The following FOSL1 variants were observed in gnomAD, a reference collection of about 807,000 sequenced individuals.
FOSL1 encodes FOS like 1, AP-1 transcription factor subunit, also known as fos-related antigen 1.
In FOSL1, 14 loss-of-function variants were observed where a neutral mutation model predicts 24.9. The ratio of observed to expected loss-of-function variants is 0.56; its 90% CI spans 0.37 to 0.88. The LOEUF (loss-of-function observed/expected upper bound fraction) is 0.88, where lower values mean the gene tolerates loss of function less well. FOSL1 is among the 40% of genes least tolerant of loss of function. The pLI is 0.00. For synonymous variants in FOSL1, 133 were observed against 145.1 expected, an observed-to-expected ratio of 0.92 and a Z score of 0.60; for missense variants, 318 against 359.8, an observed-to-expected ratio of 0.88 and a Z score of 0.94.
intron 1 of FOSL1, among the ~76,000 whole-genome samples, chr11:65,898,040 T>A (rs1860572639): frequency 1.4e-5 from 1 of 74,030 alleles, no homozygotes; most frequent in African/African-American, 4.3e-5. Flanking sequence ...TTTTTTTTCT[T>A]TTCTGTTTTT....
intron 1 of FOSL1, 144 bp from the exon 2 acceptor site, chr11:65,897,150 G>T: frequency 3.0e-6 from 2 of 658,376 alleles, no homozygotes; most frequent in South Asian, 3.7e-5. Flanking sequence ...GTCAGAGACT[G>T]ACCTGGTGGC....
At chr11:65,894,558 C>T (rs1860476884) in intron 2 of FOSL1, among the ~76,000 whole-genome samples, 1 of 152,226 alleles carries the variant, frequency 6.6e-6, no homozygotes, top group Non-Finnish European at 1.5e-5. Context: ...CTAATGAGTG[C>T]TGCTGATTAA....
chr11:65,892,897 G>A lies in FOSL1; in HGVS notation c.805C>T (p.Leu269Phe). 1 of 1,611,538 alleles carries A rather than the reference G, an allele frequency of 6.2e-7. No homozygotes were observed. Among genetic ancestry groups the A allele is most frequent in the South Asian group, 1.1e-5 (1 of 90,926 alleles). ...SSDPLGSPTL[L>F]AL ...AGGGCTCAGGCGCCTCACAAAGCGA[G>A]GAGGGTTGGAGAGCCAAGGGGGTCA... The change falls in exon 4 of 4, where the codon CTC (leucine) becomes TTC (phenylalanine). Residue 269 changes from leucine (L) to phenylalanine (F), a missense_variant. Transcript: ENST00000312562.
rs559903574 is a variant in FOSL1, at chr11:65,900,322, C to T, written c.18G>A (p.Gly6=). Residue 6 remains glycine (G), a synonymous_variant, in exon 1 of 4, where the codon GGG becomes GGA. Transcript: ENST00000312562. MFRDF[G]EPGPSSGNGG... Reference sequence around the variant, plus strand: ...CGTTCCCGGAGCTCGGGCCGGGTTCCCCGAAGTCTCGGAACATGCCCGGGG... The same window carrying T: ...CGTTCCCGGAGCTCGGGCCGGGTTCTCCGAAGTCTCGGAACATGCCCGGGG... 13,311 of 1,243,196 alleles carry T rather than the reference C, an allele frequency of 0.011. 88 individuals are homozygous for T. The highest frequency in any genetic ancestry group is 0.016 in the Middle Eastern group (62 of 3,794). The allele number at this position is 1,243,196 out of a possible 1,614,324, so 77.0% of individuals were successfully genotyped here.
chr11:65,896,526 C>T (rs77537829), intron 2 of FOSL1, among the ~76,000 whole-genome samples: 18 of 152,122 alleles, frequency 1.2e-4, no homozygotes, highest in African/African-American at 2.7e-4. Flanking sequence ...CTGCCACCCC[C>T]GCTACCTGGA....
At position 65,900,350 on chromosome 11, in the gene FOSL1, G is replaced by T. The variant is rs1860645417; in HGVS notation, c.-11C>A. ...GAAGTCTCGGAACATGCCCGGGGCT[G>T]GCGGCTCTGCGGGGTACACGGCTGC... On this transcript the variant is annotated 5_prime_UTR_variant, in exon 1 of 4. Transcript: ENST00000312562. 4.8e-5 allele frequency: 59 copies of T among 1,228,994 alleles called. No homozygotes were observed. Among genetic ancestry groups the T allele is most frequent in the Non-Finnish European group, 6.0e-5 (59 of 982,792 alleles). The allele number at this position is 1,228,994 out of a possible 1,614,324, so 76.1% of individuals were successfully genotyped here.
chr11:65,893,020 G>C lies in FOSL1; in HGVS notation c.682C>G (p.Pro228Ala). The C allele has an allele frequency of 1.2e-6, 2 of 1,612,500 alleles. No homozygotes were observed. The highest frequency in any genetic ancestry group is 1.7e-6 in the Non-Finnish European group (2 of 1,179,610). Residue 228 changes from proline (P) to alanine (A), a missense_variant, in exon 4 of 4, where the codon CCT becomes GCT. Transcript: ENST00000312562. ...PTLMTTPSLT[P>A]FTPSLVFTYP... The stretch of plus-strand genomic sequence containing the variant: ...GTGAAGACCAGGCTGGGGGTGAAAG[G>C]AGTTAGGGAGGGTGTGGTCATGAGT...
intron 1 of FOSL1, among the ~76,000 whole-genome samples, chr11:65,899,217 C>T (rs1422968875): frequency 1.3e-5 from 2 of 152,138 alleles, no homozygotes; most frequent in Non-Finnish European, 2.9e-5. Context: ...GCCCAATCGT[C>T]CGGGAAGCGC....
At chr11:65,897,713 T>TA (rs1860563162) in intron 1 of FOSL1, among the ~76,000 whole-genome samples, 1 of 152,146 alleles carries the variant, frequency 6.6e-6, no homozygotes, top group African/African-American at 2.4e-5. Context: ...GCTGGGCTCT[T>TA]ACCCACTCCT....
At chr11:65,899,610 C>T (rs1256741729) in intron 1 of FOSL1, among the ~76,000 whole-genome samples, 1 of 152,226 alleles carries the variant, frequency 6.6e-6, no homozygotes. Context: ...GGTCTCTATT[C>T]GCCGCATTCG....
intron 3 of FOSL1, 115 bp from the exon 4 acceptor site, chr11:65,893,411 G>A: frequency 1.3e-6 from 1 of 751,820 alleles, no homozygotes; most frequent in East Asian, 2.5e-5. Flanking sequence ...AGGGGGGGCA[G>A]TGGAGAGTCC....
At chr11:65,893,434 G>T (rs1040576778) in intron 3 of FOSL1, 138 bp from the exon 4 acceptor site, 1 of 661,906 alleles carries the variant, frequency 1.5e-6, no homozygotes, top group South Asian at 2.0e-5. Flanking sequence ...AGCAAGTCTG[G>T]ACTACAACTC....
Position 65,898,045 on chromosome 11 carries a change from G to GT in FOSL1, c.100-1040dup, listed in dbSNP as rs71036252. On this transcript the variant is annotated intron_variant, in intron 1 of 3. Coordinates refer to ENST00000312562, the MANE Select transcript of FOSL1 (RefSeq NM_005438.5). ...TTGGCTAATTTTTTTTTTCTTTTCT[G>GT]TTTTTTTTTTTTTGAGACACAGTCT... 3.9e-4 allele frequency among the ~76,000 whole-genome samples: 40 copies of GT among 101,836 alleles called. 2 individuals are homozygous for GT. The highest frequency in any genetic ancestry group is 1.6e-3 in the African/African-American group (40 of 24,682). 66.8% of individuals were successfully genotyped at this position (101,836 alleles called of 152,430 possible).
chr11:65,900,384 G>T lies in FOSL1; in HGVS notation c.-45C>A. ...GCGGGGTACACGGCTGCTGGGTTCT[G>T]ACTCACCCGCGCCGTGCGGAGTCTT... On this transcript the variant is annotated 5_prime_UTR_variant, in exon 1 of 4. Transcript: ENST00000312562. 1.9e-6 allele frequency: 2 copies of T among 1,057,804 alleles called. No individual in the cohort carries two copies. The highest frequency in any genetic ancestry group is 9.4e-5 in the South Asian group (2 of 21,192). The allele number at this position is 1,057,804 out of a possible 1,614,324, so 65.5% of individuals were successfully genotyped here. A position where few individuals can be genotyped will look rare whatever the true frequency, so the allele number is the denominator to read the frequency against.
rs201418296 is a variant in FOSL1, at chr11:65,892,854, G to A, written c.*32C>T. On this transcript the variant is annotated 3_prime_UTR_variant, in exon 4 of 4. Coordinates refer to ENST00000312562, the MANE Select transcript of FOSL1 (RefSeq NM_005438.5). Reference sequence around the variant, plus strand: ...GGAAGGGGAGGAGACATTGGCTAGGGTGGCATCTGCAGGGAGTAGGGCTCA... The same window carrying A: ...GGAAGGGGAGGAGACATTGGCTAGGATGGCATCTGCAGGGAGTAGGGCTCA... The A allele has an allele frequency of 1.9e-6, 3 of 1,601,976 alleles. No individual in the cohort carries two copies. The highest frequency in any genetic ancestry group is 2.6e-6 in the Non-Finnish European group (3 of 1,175,616).
intron 1 of FOSL1, among the ~76,000 whole-genome samples, chr11:65,897,601 A>G (rs943947217): frequency 2.6e-5 from 4 of 151,874 alleles, no homozygotes; most frequent in Admixed American, 2.6e-4. Flanking sequence ...CGGCCTCCCA[A>G]AGTGCTGGGA....
chr11:65,892,993 A>C lies in FOSL1; in HGVS notation c.709T>G (p.Tyr237Asp), dbSNP rs756162978. The C allele has an allele frequency of 1.2e-6, 2 of 1,612,764 alleles. No homozygotes were observed. Among genetic ancestry groups the C allele is most frequent in the South Asian group, 2.2e-5 (2 of 90,996 alleles). Reference protein sequence around the residue: ...TPFTPSLVFTYPSTPEPCASA... With the variant: ...TPFTPSLVFTDPSTPEPCASA... ...GCACAAGGCTCAGGAGTGCTGGGGT[A>C]GGTGAAGACCAGGCTGGGGGTGAAA... The change falls in exon 4 of 4, where the codon TAC becomes GAC. Residue 237 changes from tyrosine (Y) to aspartate (D), a missense_variant. Coordinates refer to ENST00000312562, the MANE Select transcript of FOSL1 (RefSeq NM_005438.5).
rs764049274 is a variant in FOSL1, at chr11:65,893,110, G to A, written c.592C>T (p.Pro198Ser). 4 of 1,612,888 alleles carry A rather than the reference G, an allele frequency of 2.5e-6. No homozygotes were observed. Among genetic ancestry groups the A allele is most frequent in the Non-Finnish European group, 3.4e-6 (4 of 1,179,860 alleles). Residue 198 changes from proline to serine, a missense_variant, in exon 4 of 4, where the codon CCT becomes TCT. Transcript: ENST00000312562. Reference sequence around the variant, plus strand: ...GGGGAAAGGGAGATACAAGGTACAGGGCGGCAGGGGGCTGGTGGGCTGCTG... The same window carrying A: ...GGGGAAAGGGAGATACAAGGTACAGAGCGGCAGGGGGCTGGTGGGCTGCTG... ...GTSSPPAPCRPVPCISLSPGP... is the reference protein window; with the variant it reads ...GTSSPPAPCRSVPCISLSPGP...
At chr11:65,899,252 A>T (rs1013257800) in intron 1 of FOSL1, among the ~76,000 whole-genome samples, 1 of 152,198 alleles carries the variant, frequency 6.6e-6, no homozygotes, top group African/African-American at 2.4e-5. Context: ...AAGTCCCGAC[A>T]GCGGTAGCCC....
Sources: allele counts gnomAD v4.1 joint callset (sites outside exome capture counted in the v4.1 genomes callset), GRCh38; gene constraint gnomAD v4.1.1; transcripts MANE v1.5; gene names NCBI Gene and HGNC (gene_info 2026-07-23, HGNC 2026-07-21).